ENOX1: variants seen among roughly 807,000 people sequenced by gnomAD.
The protein encoded by ENOX1 is ecto-NOX disulfide-thiol exchanger 1, also known as candidate growth-related and time keeping constitutive hydroquinone (NADH) oxidase.
ENOX1 carries 42 observed loss-of-function variants against 82.5 expected under a neutral mutation model. That is an observed-to-expected ratio of 0.51 (90% CI 0.40 to 0.66). The LOEUF is 0.66. Ranked by LOEUF, ENOX1 falls within the 30% of genes least tolerant of loss-of-function variation. ENOX1 has a pLI of 0.00. For missense variants in ENOX1, 608 were observed against 811.6 expected (o/e 0.75, Z 3.05); for synonymous variants, 271 against 282.2 (o/e 0.96, Z 0.40).
intron 2 of ENOX1, among the ~76,000 whole-genome samples, chr13:43,627,717 C>G (rs1305944606): frequency 2.0e-5 from 3 of 151,990 alleles, no homozygotes; most frequent in African/African-American, 7.2e-5. Flanking sequence ...TTCTTTCTTC[C>G]TTTCTAATTT....
chr13:43,475,327 A>G (rs115551064), intron 3 of ENOX1, among the ~76,000 whole-genome samples: 3,798 of 152,238 alleles, frequency 0.025, 148 homozygotes, highest in African/African-American at 0.086. Context: ...TGGCCAGCGG[A>G]GCAGCAATAG....
chr13:43,517,567 A>G (rs183615154), intron 2 of ENOX1, among the ~76,000 whole-genome samples: 3 of 152,270 alleles, frequency 2.0e-5, no homozygotes, highest in East Asian at 1.9e-4. Context: ...TGTGAAAGCC[A>G]TATCTCATGG....
chr13:43,266,014 A>G (rs1299131450), intron 13 of ENOX1, among the ~76,000 whole-genome samples: 1 of 152,240 alleles, frequency 6.6e-6, no homozygotes, highest in Non-Finnish European at 1.5e-5. Flanking sequence ...CTGAGGCATT[A>G]GAAGAAATTA....
At chr13:43,748,512 A>G (rs1292785842) in intron 1 of ENOX1, among the ~76,000 whole-genome samples, 1 of 152,178 alleles carries the variant, frequency 6.6e-6, no homozygotes, top group Non-Finnish European at 1.5e-5. Context: ...TTGTTATTAC[A>G]TTTTAGCACA....
chr13:43,333,073 GT>G, intron 9 of ENOX1, among the ~76,000 whole-genome samples: 1 of 152,096 alleles, frequency 6.6e-6, no homozygotes, highest in Non-Finnish European at 1.5e-5. Flanking sequence ...CTGTACCTTG[GT>G]TTTTTCACTT....
intron 2 of ENOX1, among the ~76,000 whole-genome samples, chr13:43,508,613 G>A (rs996718834): frequency 6.6e-5 from 10 of 151,956 alleles, no homozygotes; most frequent in Non-Finnish European, 1.5e-5. Flanking sequence ...ATATTTAGAG[G>A]TTTTACTCTC....
intron 3 of ENOX1, among the ~76,000 whole-genome samples, chr13:43,449,592 C>T (rs547134443): frequency 1.3e-5 from 2 of 152,098 alleles, no homozygotes; most frequent in South Asian, 4.2e-4. Flanking sequence ...AAGTAACTTT[C>T]ATAAGGCAAA....
At chr13:43,777,741 G>A (rs1428245398) in intron 1 of ENOX1, among the ~76,000 whole-genome samples, 15 of 151,740 alleles carry the variant, frequency 9.9e-5, no homozygotes, top group Admixed American at 9.8e-4. Flanking sequence ...GTAGAGACGG[G>A]GTTTCACCAC....
chr13:43,536,963 G>C (rs974141601), intron 2 of ENOX1, among the ~76,000 whole-genome samples: 1 of 152,198 alleles, frequency 6.6e-6, no homozygotes, highest in Admixed American at 6.5e-5. Context: ...AGAAAATGGA[G>C]TGCCAAGGAA....
intron 2 of ENOX1, among the ~76,000 whole-genome samples, chr13:43,618,205 C>T (rs1331470672): frequency 1.3e-5 from 2 of 152,146 alleles, no homozygotes; most frequent in African/African-American, 4.8e-5. Flanking sequence ...TGTGTGTTTA[C>T]TTTGCTAACT....
intron 2 of ENOX1, among the ~76,000 whole-genome samples, chr13:43,625,981 T>C (rs955171410): frequency 5.9e-5 from 9 of 151,882 alleles, no homozygotes; most frequent in African/African-American, 9.7e-5. Context: ...GGATATTTCT[T>C]TGGGGGGAGT....
chr13:43,483,959 C>T, intron 3 of ENOX1, 50 bp downstream of exon 3: 2 of 965,498 alleles, frequency 2.1e-6, no homozygotes, highest in South Asian at 4.8e-5. Flanking sequence ...TAAAAAATAT[C>T]CCTCAAACTT....
At chr13:43,232,893 T>TA (rs2042352156) in intron 15 of ENOX1, among the ~76,000 whole-genome samples, 2 of 152,204 alleles carry the variant, frequency 1.3e-5, no homozygotes, top group South Asian at 4.1e-4. Context: ...TATAGAGTGA[T>TA]ACGGACCCAG....
chr13:43,390,987 T>C (rs1223084955), intron 5 of ENOX1, among the ~76,000 whole-genome samples: 1 of 152,172 alleles, frequency 6.6e-6, no homozygotes, highest in African/African-American at 2.4e-5. Flanking sequence ...TTTTGGCTTT[T>C]TGCAAGACCT....
intron 1 of ENOX1, 129 bp from the exon 2 acceptor site, chr13:43,667,673 T>C (rs1315078691): frequency 5.9e-6 from 1 of 168,510 alleles, no homozygotes. Context: ...GCCCTTTCCA[T>C]TTCTGGCCAC....
At chr13:43,420,272 T>TTGCTTAA (rs1273997651) in intron 3 of ENOX1, among the ~76,000 whole-genome samples, 4 of 152,224 alleles carry the variant, frequency 2.6e-5, no homozygotes, top group Admixed American at 2.6e-4. Context: ...CAATTATGAA[T>TTGCTTAA]AGTAGGGGAG....
intron 1 of ENOX1, among the ~76,000 whole-genome samples, chr13:43,714,632 C>T (rs1378339569): frequency 6.6e-6 from 1 of 152,158 alleles, no homozygotes; most frequent in African/African-American, 2.4e-5. Flanking sequence ...GGACAGTTAG[C>T]TCTTCTTGTT....
chr13:43,400,728 T>C (rs1028715631), intron 5 of ENOX1, among the ~76,000 whole-genome samples: 1 of 152,212 alleles, frequency 6.6e-6, no homozygotes, highest in Non-Finnish European at 1.5e-5. Flanking sequence ...AATTACATAA[T>C]TGAAATCTTT....
At chr13:43,520,744 G>A (rs2077734162) in intron 2 of ENOX1, among the ~76,000 whole-genome samples, 1 of 152,160 alleles carries the variant, frequency 6.6e-6, no homozygotes, top group African/African-American at 2.4e-5. Context: ...AAGCACTTAA[G>A]GTCAGGAAAG....
Sources: gnomAD v4.1 joint callset for allele counts (sites outside exome capture counted in the v4.1 genomes callset) on GRCh38, gnomAD v4.1.1 for gene constraint, MANE v1.5 for transcripts, NCBI Gene and HGNC (gene_info 2026-07-23, HGNC 2026-07-21) for gene names.